The following PCNX1 variants were observed in gnomAD, a reference collection of about 807,000 sequenced individuals.
The protein encoded by PCNX1 is pecanex 1.
Under a neutral mutation model 242.2 loss-of-function variants are expected in PCNX1, and 78 were observed. That is an observed-to-expected ratio of 0.32 (90% confidence interval 0.27 to 0.39). The LOEUF (loss-of-function observed/expected upper bound fraction) is 0.39. Ranked by LOEUF, PCNX1 falls within the 10% of genes least tolerant of loss-of-function variation. PCNX1 has a pLI of 1.00. For missense variants in PCNX1, 2,581 were observed against 2,856.5 expected (o/e 0.90, Z 2.20); for synonymous variants, 1,024 against 1,032.9 (o/e 0.99, Z 0.17).
chr14:71,094,356 G>C (rs1190010029), intron 30 of PCNX1, among the ~76,000 whole-genome samples: 1 of 152,226 alleles, frequency 6.6e-6, no homozygotes, highest in Non-Finnish European at 1.5e-5. Flanking sequence ...CTAGATTGCA[G>C]TAGTGGTTAC....
In PCNX1 at chr14:70,907,841, C is replaced by T; in HGVS notation, c.-10C>T. The T allele has an allele frequency of 2.3e-6, 3 of 1,292,660 alleles. No individual in the cohort carries two copies. Among genetic ancestry groups the T allele is most frequent in the East Asian group, 3.1e-5 (1 of 32,472 alleles). The allele number at this position is 1,292,660 out of a possible 1,614,324, so 80.1% of individuals were successfully genotyped here. A position where few individuals can be genotyped will look rare whatever the true frequency, so the allele number is the denominator to read the frequency against. ...GGCGGCGGCGGCGACGGCGGCGGCG[C>T]CGGGTGGGGATGGGGTCGCAGACGC... On this transcript the variant is annotated 5_prime_UTR_variant, in exon 1 of 36. Coordinates refer to ENST00000304743, the MANE Select transcript of PCNX1 (RefSeq NM_014982.3).
intron 1 of PCNX1, among the ~76,000 whole-genome samples, chr14:70,945,490 C>A (rs2526859): frequency 6.6e-6 from 1 of 151,418 alleles, no homozygotes; most frequent in African/African-American, 2.4e-5. Context: ...CCTATTATGC[C>A]GACACTCAAC....
intron 5 of PCNX1, among the ~76,000 whole-genome samples, chr14:70,972,924 A>G (rs1368530635): frequency 2.0e-5 from 3 of 152,134 alleles, no homozygotes; most frequent in Non-Finnish European, 4.4e-5. Context: ...AGAAAACTGG[A>G]TAAGATTTAC....
In PCNX1 at chr14:70,999,541, T is replaced by C. The variant is rs187755828; in HGVS notation, c.2629+3616T>C. Among the ~76,000 whole-genome samples the C allele has an allele frequency of 6.6e-5, 10 of 152,330 alleles. No homozygotes were observed. The East Asian group carries it at 1.9e-3, about 29-fold the overall frequency. On this transcript the variant is annotated intron_variant, in intron 8 of 35. Coordinates refer to ENST00000304743, the MANE Select transcript of PCNX1 (RefSeq NM_014982.3). The stretch of plus-strand genomic sequence containing the variant: ...AGTAGTATTTCTCTGATTAAGACTT[T>C]CTTAATGTATCTGATTTTTAAAAAG...
At chr14:70,949,302 C>CACGTGTATACACACACGTGTGTGCACAG (rs1566608819) in intron 2 of PCNX1, among the ~76,000 whole-genome samples, 18 of 146,362 alleles carry the variant, frequency 1.2e-4, no homozygotes, top group African/African-American at 4.7e-4. Context: ...TGTGTACACA[C>CACGTGTATACACACACGTGTGTGCACAG]ATATGTGTGT....
Position 70,983,894 on chromosome 14 carries a change from GAA to G in PCNX1, c.2312-4669_2312-4668del, listed in dbSNP as rs991092100. Reference sequence around the variant, plus strand: ...TGGCTGACAAAGAAACTAAGAAAGGGAAAAACTATTTAGATAAAGTGGATTTC... The same window carrying G: ...TGGCTGACAAAGAAACTAAGAAAGGGAAACTATTTAGATAAAGTGGATTTC... On this transcript the variant is annotated intron_variant, in intron 6 of 35. Transcript: ENST00000304743. 1.7e-3 allele frequency among the ~76,000 whole-genome samples: 251 copies of G among 151,476 alleles called. 4 individuals carry two copies. Among genetic ancestry groups the G allele is most frequent in the African/African-American group, 5.8e-3 (239 of 41,490 alleles).
intron 26 of PCNX1, among the ~76,000 whole-genome samples, chr14:71,062,605 C>CA (rs1159543345): frequency 6.6e-6 from 1 of 151,664 alleles, no homozygotes; most frequent in Non-Finnish European, 1.5e-5. Context: ...ACAAAGGAGT[C>CA]AAAAAGTTTA....
intron 2 of PCNX1, among the ~76,000 whole-genome samples, chr14:70,950,055 C>T (rs1044333053): frequency 6.6e-6 from 1 of 152,094 alleles, no homozygotes; most frequent in Non-Finnish European, 1.5e-5. Flanking sequence ...GGTGATATTT[C>T]TGTATATTTT....
rs1281486109 is a variant in PCNX1 at position 70,962,318 on chromosome 14, A to T, written c.455A>T (p.Asp152Val). The part of the protein sequence containing the change: ...CSSRNSYAGL[D>V]PSNQIGSGSS... ...TCCAGAAATTCTTATGCCGGTCTAG[A>T]TCCAAGCAACCAGGTAGGAACCTGC... is the stretch of plus-strand genomic sequence containing the variant. Residue 152 changes from aspartate to valine, a missense_variant, in exon 3 of 36, where the codon GAT becomes GTT. By Grantham distance (152) the Asp-to-Val change is radical (BLOSUM62 -3). Around this residue, in one of 9 missense-constraint regions of PCNX1, gnomAD observed 1,204 missense variants for 1,216.7 expected, o/e 0.99. Transcript: ENST00000304743. 6.2e-7 allele frequency: 1 copy of T among 1,608,628 alleles called. No homozygotes were observed. The highest frequency in any genetic ancestry group is 8.5e-7 in the Non-Finnish European group (1 of 1,175,230).
intron 16 of PCNX1, among the ~76,000 whole-genome samples, chr14:71,030,304 C>T (rs2060346770): frequency 6.6e-6 from 1 of 152,104 alleles, no homozygotes; most frequent in South Asian, 2.1e-4. Flanking sequence ...CTGTGGACTG[C>T]CCTTTATGAA....
Position 71,031,709 on chromosome 14 carries a change from C to T in PCNX1, c.3559-1720C>T, listed in dbSNP as rs1371572140. The T allele has an allele frequency of 5.4e-6, 5 of 923,346 alleles. No individual in the cohort carries two copies. In the East Asian group the frequency reaches 1.3e-4, roughly 23 times the overall value. The allele number at this position is 923,346 out of a possible 1,614,324, so 57.2% of individuals were successfully genotyped here. ...TACATGAGCCCCAGAGCTAAGTGGC[C>T]TTTGGCCTTGAACTCTGATGTTTTC... On this transcript the variant is annotated intron_variant, in intron 16 of 35. Coordinates refer to ENST00000304743, the MANE Select transcript of PCNX1 (RefSeq NM_014982.3).
At chr14:71,036,029 A>C in intron 18 of PCNX1, 36 bp from the exon 19 acceptor site, 1 of 1,355,708 alleles carries the variant, frequency 7.4e-7, no homozygotes, top group Non-Finnish European at 1.0e-6. Flanking sequence ...TAAAAATTTT[A>C]TGTAATTGTT....
chr14:71,039,293 C>T (rs1349012104), intron 19 of PCNX1, among the ~76,000 whole-genome samples: 1 of 151,988 alleles, frequency 6.6e-6, no homozygotes, highest in Non-Finnish European at 1.5e-5. Flanking sequence ...GGTTATGAAT[C>T]TGGGAGTGGC....
chr14:71,044,788 G>C (rs986425645), intron 19 of PCNX1: 1 of 194,322 alleles, frequency 5.1e-6, no homozygotes, highest in Non-Finnish European at 1.0e-5. Flanking sequence ...CATTATCTCT[G>C]CTGCTGAAAA....
intron 1 of PCNX1, among the ~76,000 whole-genome samples, chr14:70,940,204 G>T (rs969726527): frequency 1.3e-5 from 2 of 152,142 alleles, no homozygotes; most frequent in Non-Finnish European, 1.5e-5. Flanking sequence ...CCCGTTAGTT[G>T]ATGCAGTTTC....
chr14:70,944,896 C>T (rs182563939), intron 1 of PCNX1, among the ~76,000 whole-genome samples: 78 of 152,312 alleles, frequency 5.1e-4, no homozygotes, highest in Admixed American at 1.6e-3. Context: ...CCCTGTGAAG[C>T]GGTGCCTTCT....
At chr14:70,938,343 T>G (rs7151145) in intron 1 of PCNX1, among the ~76,000 whole-genome samples, 67,030 of 151,656 alleles carry the variant, frequency 0.44, 16,175 homozygotes, top group Non-Finnish European at 0.55. Flanking sequence ...TAGCATGAAG[T>G]GTTGTTGAAT....
intron 1 of PCNX1, among the ~76,000 whole-genome samples, chr14:70,910,202 T>C (rs1343182789): frequency 1.1e-4 from 3 of 27,430 alleles, no homozygotes; most frequent in Non-Finnish European, 2.4e-4. Flanking sequence ...CTCCTCCTCC[T>C]CCTCGTCCTC....
At chr14:71,064,951 C>T (rs1292571202) in intron 26 of PCNX1, among the ~76,000 whole-genome samples, 1 of 152,176 alleles carries the variant, frequency 6.6e-6, no homozygotes, top group Non-Finnish European at 1.5e-5. Context: ...ATGAACTCAT[C>T]CTTTTTTATG....
Sources: allele counts gnomAD v4.1 joint callset (sites outside exome capture counted in the v4.1 genomes callset), GRCh38; gene constraint gnomAD v4.1.1; regional missense constraint gnomAD v4.1.1; transcripts MANE v1.5; gene names NCBI Gene and HGNC (gene_info 2026-07-23, HGNC 2026-07-21).